The following GRIK2 variants were observed in gnomAD, a reference collection of about 807,000 sequenced individuals.
The protein encoded by GRIK2 is glutamate ionotropic receptor kainate type subunit 2.
A neutral mutation model predicts 100.3 loss-of-function variants in GRIK2; 32 were observed. That is an observed-to-expected ratio of 0.32 (90% CI 0.24 to 0.43). The LOEUF (loss-of-function observed/expected upper bound fraction) is 0.43. Among genes scored for constraint, GRIK2 ranks in the 20% least tolerant of loss-of-function variants. The probability of loss-of-function intolerance (pLI) is 1.00; values close to 1 mark genes in which losing one functional copy is unlikely to be tolerated. For synonymous variants in GRIK2, 417 were observed against 389.4 expected (o/e 1.07, Z -0.83); for missense variants, 843 against 1,114.9 (o/e 0.76, Z 3.47).
rs765104513 is a variant in GRIK2, at chr6:101,928,616, C to A, written c.2069C>A (p.Thr690Asn). 2 of 1,576,906 alleles carry A rather than the reference C, an allele frequency of 1.3e-6. No homozygotes were observed. Among genetic ancestry groups the A allele is most frequent in the South Asian group, 1.1e-5 (1 of 90,260 alleles). Reference protein sequence around the residue: ...IEYGAVEDGATMTFFKKSKIS... With the variant: ...IEYGAVEDGANMTFFKKSKIS... Reference sequence around the variant, plus strand: ...TATGGAGCAGTAGAGGATGGTGCAACCATGACTTTTTTCAAGGTAAGTTCT... The same window carrying A: ...TATGGAGCAGTAGAGGATGGTGCAAACATGACTTTTTTCAAGGTAAGTTCT... Residue 690 changes from threonine (T) to asparagine (N), a missense_variant, in exon 14 of 17, where the codon ACC becomes AAC. By Grantham distance (65) the Thr-to-Asn change is moderately conservative. Transcript: ENST00000369134.
intron 16 of GRIK2, chr6:102,063,965 T>C (rs779133119): frequency 2.1e-5 from 30 of 1,454,630 alleles, no homozygotes; most frequent in Non-Finnish European, 2.7e-5. Flanking sequence ...TTTTCAGGAA[T>C]CTTCTATTTG....
At chr6:101,497,205 T>C (rs1473412055) in intron 2 of GRIK2, among the ~76,000 whole-genome samples, 1 of 152,200 alleles carries the variant, frequency 6.6e-6, no homozygotes, top group African/African-American at 2.4e-5. Flanking sequence ...TTCATTTTGC[T>C]TCCTTCATAG....
intron 7 of GRIK2, among the ~76,000 whole-genome samples, chr6:101,764,893 G>A (rs76956647): frequency 1.1e-3 from 170 of 151,970 alleles, no homozygotes; most frequent in African/African-American, 4.0e-3. Context: ...CATGGCTGAC[G>A]AAATCTTCAT....
chr6:102,035,309 T>C, intron 14 of GRIK2, 32 bp from the exon 15 acceptor site: 2 of 1,289,804 alleles, frequency 1.6e-6, no homozygotes, highest in Non-Finnish European at 2.2e-6. Context: ...AGAATAACTT[T>C]CTCGTGACCA....
chr6:101,804,349 G>A (rs1780856753), intron 9 of GRIK2, among the ~76,000 whole-genome samples: 1 of 151,914 alleles, frequency 6.6e-6, no homozygotes, highest in Non-Finnish European at 1.5e-5. Flanking sequence ...ATATTTGCAG[G>A]GTATTAGAAC....
In GRIK2 at chr6:102,006,390, A is replaced by ATATTTTTT. The variant is rs1315524835; in HGVS notation, c.2086-28950_2086-28949insATTTTTTT. On this transcript the variant is annotated intron_variant, in intron 14 of 16. Transcript: ENST00000369134. ...CTTTTATATATATATATATATATAT[A>ATATTTTTT]TTTTTTTTTTTTTTGAGACATACAG... Among the ~76,000 whole-genome samples, 10 of 114,100 alleles carry ATATTTTTT rather than the reference A, an allele frequency of 8.8e-5. 1 individual carries two copies. Among genetic ancestry groups the ATATTTTTT allele is most frequent in the African/African-American group, 4.6e-4 (10 of 21,884 alleles). 74.9% of individuals were successfully genotyped at this position (114,100 alleles called of 152,430 possible).
chr6:101,470,679 C>T (rs1771901093), intron 2 of GRIK2, among the ~76,000 whole-genome samples: 1 of 152,020 alleles, frequency 6.6e-6, no homozygotes, highest in South Asian at 2.1e-4. Flanking sequence ...TATACTCAGA[C>T]TTTGTGAGTC....
At chr6:101,754,073 G>A (rs1162365529) in intron 7 of GRIK2, among the ~76,000 whole-genome samples, 1 of 151,910 alleles carries the variant, frequency 6.6e-6, no homozygotes, top group Non-Finnish European at 1.5e-5. Context: ...AGTTGCTGGA[G>A]AAGAAATATC....
At chr6:101,548,459 AC>A (rs1458855665) in intron 2 of GRIK2, among the ~76,000 whole-genome samples, 1 of 152,146 alleles carries the variant, frequency 6.6e-6, no homozygotes, top group Non-Finnish European at 1.5e-5. Context: ...TTTAGGTCTA[AC>A]GTTTAAGTCT....
chr6:101,397,661 A>G (rs1452714771), intron 1 of GRIK2, among the ~76,000 whole-genome samples: 1 of 136,582 alleles, frequency 7.3e-6, no homozygotes, highest in Non-Finnish European at 1.5e-5. Flanking sequence ...TGAAAACATT[A>G]CAGTGTTTTC....
At chr6:101,991,902 T>C (rs1364768717) in intron 14 of GRIK2, among the ~76,000 whole-genome samples, 1 of 151,472 alleles carries the variant, frequency 6.6e-6, no homozygotes, top group Non-Finnish European at 1.5e-5. Context: ...ATGACAGAGT[T>C]TTCCTGGAAA....
At chr6:101,828,705 C>A (rs1319518493) in intron 10 of GRIK2, among the ~76,000 whole-genome samples, 2 of 151,940 alleles carry the variant, frequency 1.3e-5, no homozygotes, top group African/African-American at 4.8e-5. Context: ...ACACAACCTT[C>A]CAAGATTGAA....
intron 10 of GRIK2, among the ~76,000 whole-genome samples, chr6:101,828,629 CT>C (rs1782485016): frequency 6.6e-6 from 1 of 151,848 alleles, no homozygotes; most frequent in Non-Finnish European, 1.5e-5. Context: ...GATCCTGAGA[CT>C]ACTATGAACA....
intron 2 of GRIK2, among the ~76,000 whole-genome samples, chr6:101,564,261 ATTCTC>A (rs1777152112): frequency 6.6e-6 from 1 of 152,136 alleles, no homozygotes; most frequent in Non-Finnish European, 1.5e-5. Context: ...GAAGAACGCT[ATTCTC>A]TTGTGCACAG....
chr6:101,522,072 G>T (rs1395776744), intron 2 of GRIK2, among the ~76,000 whole-genome samples: 1 of 151,972 alleles, frequency 6.6e-6, no homozygotes, highest in East Asian at 1.9e-4. Flanking sequence ...TATATACCTT[G>T]CATCTCTTTA....
intron 14 of GRIK2, among the ~76,000 whole-genome samples, chr6:102,032,255 C>G (rs1770040000): frequency 6.6e-6 from 1 of 151,044 alleles, no homozygotes; most frequent in East Asian, 2.0e-4. Context: ...GGGTCCAGGC[C>G]CTTTAGAAAG....
At chr6:101,762,799 G>A (rs1777814220) in intron 7 of GRIK2, among the ~76,000 whole-genome samples, 1 of 152,174 alleles carries the variant, frequency 6.6e-6, no homozygotes, top group Non-Finnish European at 1.5e-5. Flanking sequence ...CACATGTCAG[G>A]CAGGTCAGTT....
chr6:101,584,045 A>G (rs1197660229), intron 2 of GRIK2, among the ~76,000 whole-genome samples: 1 of 152,100 alleles, frequency 6.6e-6, no homozygotes, highest in Non-Finnish European at 1.5e-5. Context: ...TCATGTGCAT[A>G]AATACAAAGG....
chr6:101,462,565 C>T (rs1034583660), intron 2 of GRIK2, among the ~76,000 whole-genome samples: 2 of 152,114 alleles, frequency 1.3e-5, no homozygotes, highest in African/African-American at 2.4e-5. Context: ...GGTACAAGGA[C>T]ATCTTAAAAA....
Sources: allele counts gnomAD v4.1 joint callset (sites outside exome capture counted in the v4.1 genomes callset), GRCh38; gene constraint gnomAD v4.1.1; transcripts MANE v1.5; gene names NCBI Gene and HGNC (gene_info 2026-07-23, HGNC 2026-07-21).